The following AGAP1 variants were observed in gnomAD, a reference collection of about 807,000 sequenced individuals.
The protein encoded by AGAP1 is ArfGAP with GTPase domain, ankyrin repeat and PH domain 1, also known as arf-GAP with GTPase, ANK repeat and PH domain-containing protein 1.
Under a neutral mutation model 105.3 loss-of-function variants are expected in AGAP1, and 29 were observed. The observed-to-expected ratio is 0.28, with a 90% confidence interval of 0.21 to 0.38. The LOEUF (loss-of-function observed/expected upper bound fraction) is 0.38. AGAP1 is among the 10% of genes least tolerant of loss of function. AGAP1 has a pLI of 1.00. For synonymous variants in AGAP1, 509 were observed against 485.9 expected (o/e 1.05, Z -0.63); for missense variants, 998 against 1,165.1 (o/e 0.86, Z 2.09).
At chr2:236,015,619 C>T (rs931179403) in intron 13 of AGAP1, among the ~76,000 whole-genome samples, 8 of 151,954 alleles carry the variant, frequency 5.3e-5, no homozygotes, top group Admixed American at 3.3e-4. Context: ...CAAGGGAAAA[C>T]CACCACCATC....
In AGAP1 at chr2:235,744,538, C is replaced by T. The variant is rs1436532572; in HGVS notation, c.397-160C>T. 2.0e-5 allele frequency among the ~76,000 whole-genome samples: 3 copies of T among 152,094 alleles called. No homozygotes were observed. Among genetic ancestry groups the T allele is most frequent in the African/African-American group, 7.2e-5 (3 of 41,434 alleles). ...TGTGCTCAGGAGGAGGACGTGGATG[C>T]CGTGACAGTGTGTAAAAGTGACAGT... is the stretch of plus-strand genomic sequence containing the variant. On this transcript the variant is annotated intron_variant, in intron 4 of 17. Coordinates refer to ENST00000304032, the MANE Select transcript of AGAP1 (RefSeq NM_001037131.3). The surrounding 1 kb of genome is among the most constrained non-coding windows in gnomAD (Gnocchi z 5.2).
At position 235,982,398 on chromosome 2, in the gene AGAP1, C is replaced by T. The variant is rs1027569098; in HGVS notation, c.1645+13775C>T. 1.3e-5 allele frequency among the ~76,000 whole-genome samples: 2 copies of T among 152,064 alleles called. No individual in the cohort carries two copies. The highest frequency in any genetic ancestry group is 2.4e-5 in the African/African-American group (1 of 41,384). On this transcript the variant is annotated intron_variant, in intron 13 of 17. Transcript: ENST00000304032. The surrounding 1 kb of genome is among the most constrained non-coding windows in gnomAD (Gnocchi z 4.9). ...CAAAATATTACTTTATTCTGCACAC[C>T]GTGGGGACATCAGCTGGGAGGGTCA...
chr2:235,751,529 G>T lies in AGAP1; in HGVS notation c.673+1041G>T, dbSNP rs999503818. On this transcript the variant is annotated intron_variant, in intron 6 of 17. Coordinates refer to ENST00000304032, the MANE Select transcript of AGAP1 (RefSeq NM_001037131.3). This position sits in a 1 kb window ranked among gnomAD's most constrained non-coding sequence, Gnocchi z 5.3. ...AAGACCCACGGTGAAAGCAGTGGCT[G>T]CAGGACTGTTCCCGGGACTTCCTCC... Among the ~76,000 whole-genome samples, 13 of 152,308 alleles carry T rather than the reference G, an allele frequency of 8.5e-5. No individual in the cohort carries two copies. The highest frequency in any genetic ancestry group is 8.5e-4 in the Admixed American group (13 of 15,304).
chr2:236,131,199 G>A lies in AGAP1; in HGVS notation c.*7077G>A, dbSNP rs1467501733. 1 of 152,208 alleles carries A rather than the reference G, an allele frequency of 6.6e-6. No individual in the cohort carries two copies. Among genetic ancestry groups the A allele is most frequent in the African/African-American group, 2.4e-5 (1 of 41,436 alleles). 9.4% of individuals were successfully genotyped at this position (152,208 alleles called of 1,614,324 possible). A position where few individuals can be genotyped will look rare whatever the true frequency, so the allele number is the denominator to read the frequency against. On this transcript the variant is annotated 3_prime_UTR_variant, in exon 18 of 18. Transcript: ENST00000304032. The surrounding 1 kb of genome is among the most constrained non-coding windows in gnomAD (Gnocchi z 5.9). ...CTCAGCCCCGAGCACCTGAGCGCTG[G>A]GGAGGCCCTTATTGAGCTCAGCCTG...
In AGAP1 at chr2:236,043,660, G is replaced by T. The variant is rs552930049; in HGVS notation, c.1891+2819G>T. Among the ~76,000 whole-genome samples the T allele has an allele frequency of 3.3e-5, 5 of 151,372 alleles. No homozygotes were observed. In the South Asian group the frequency reaches 1.0e-3, roughly 32 times the overall value. On this transcript the variant is annotated intron_variant, in intron 15 of 17. Coordinates refer to ENST00000304032, the MANE Select transcript of AGAP1 (RefSeq NM_001037131.3). ...GACTTGAACTCGAGAGGCGGAGTTTGCAGTGAGCCAAGATCACGTCATTGC... is the reference window on the plus strand; with the variant it reads ...GACTTGAACTCGAGAGGCGGAGTTTTCAGTGAGCCAAGATCACGTCATTGC...
chr2:235,518,219 C>T (rs1367225219), intron 1 of AGAP1, among the ~76,000 whole-genome samples: 2 of 152,198 alleles, frequency 1.3e-5, no homozygotes, highest in African/African-American at 2.4e-5. Context: ...GTTTAATCCA[C>T]GTGAAGACAG....
At position 236,124,127 on chromosome 2, in the gene AGAP1, C is replaced by T; in HGVS notation, c.*5C>T. 1 of 1,612,682 alleles carries T rather than the reference C, an allele frequency of 6.2e-7. No homozygotes were observed. ...AGGGTGCCCACCATCATCTGAGGAA[C>T]AGCCGTGCCCGCCTGCTCGCCGCAC... On this transcript the variant is annotated 3_prime_UTR_variant, in exon 18 of 18. Coordinates refer to ENST00000304032, the MANE Select transcript of AGAP1 (RefSeq NM_001037131.3). The surrounding 1 kb of genome is among the most constrained non-coding windows in gnomAD (Gnocchi z 5.1).
chr2:235,826,981 C>T (rs1033385255), intron 9 of AGAP1, among the ~76,000 whole-genome samples: 8 of 152,044 alleles, frequency 5.3e-5, no homozygotes, highest in Admixed American at 6.6e-5. Context: ...ACGGTGGCTC[C>T]GCGTGTTGGA....
At chr2:235,718,739 A>G (rs1329992303) in intron 3 of AGAP1, among the ~76,000 whole-genome samples, 1 of 152,206 alleles carries the variant, frequency 6.6e-6, no homozygotes, top group Non-Finnish European at 1.5e-5. Context: ...TGCATCAGGA[A>G]GAGACCTTCC....
rs143735439 is a variant in AGAP1, at chr2:235,642,219, G to A, written c.164-66960G>A. Among the ~76,000 whole-genome samples the A allele has an allele frequency of 6.9e-3, 1,049 of 152,302 alleles. 15 individuals are homozygous for A. Among genetic ancestry groups the A allele is most frequent in the African/African-American group, 0.023 (968 of 41,560 alleles). On this transcript the variant is annotated intron_variant, in intron 1 of 17. Transcript: ENST00000304032. This position sits in a 1 kb window ranked among gnomAD's most constrained non-coding sequence, Gnocchi z 4.1. ...CCCAAGTCTTGCTAGCTCGTGGCAT[G>A]TGCAATGGGATCTCTTTCCTGAGTG... is the stretch of plus-strand genomic sequence containing the variant.
In AGAP1 at chr2:235,830,129, G is replaced by A. The variant is rs1452814528; in HGVS notation, c.1050+22798G>A. On this transcript the variant is annotated intron_variant, in intron 9 of 17. Coordinates refer to ENST00000304032, the MANE Select transcript of AGAP1 (RefSeq NM_001037131.3). The surrounding 1 kb of genome is among the most constrained non-coding windows in gnomAD (Gnocchi z 5.5). ...GAAGACACTGTCCAGGGCTAAGGCAGTACTTGCCAAGGCAAGGCCACCGTG... is the reference window on the plus strand; with the variant it reads ...GAAGACACTGTCCAGGGCTAAGGCAATACTTGCCAAGGCAAGGCCACCGTG... Among the ~76,000 whole-genome samples, 3 of 152,264 alleles carry A rather than the reference G, an allele frequency of 2.0e-5. No individual in the cohort carries two copies. Among genetic ancestry groups the A allele is most frequent in the African/African-American group, 7.2e-5 (3 of 41,550 alleles).
chr2:235,854,077 T>C (rs1245261368), intron 9 of AGAP1, among the ~76,000 whole-genome samples: 1 of 152,148 alleles, frequency 6.6e-6, no homozygotes, highest in Non-Finnish European at 1.5e-5. Flanking sequence ...CCGCCTTATA[T>C]GACTGGATAA....
intron 12 of AGAP1, among the ~76,000 whole-genome samples, chr2:235,950,468 G>C (rs925252466): frequency 6.6e-6 from 1 of 151,950 alleles, no homozygotes; most frequent in African/African-American, 2.4e-5. Flanking sequence ...GCAAAGGGAT[G>C]TACTCCTGAG....
chr2:236,041,417 C>G (rs185086086), intron 15 of AGAP1, among the ~76,000 whole-genome samples: 1 of 152,180 alleles, frequency 6.6e-6, no homozygotes, highest in Admixed American at 6.5e-5. Context: ...CCATTACCCA[C>G]TAAAGCCTCT....
At chr2:236,106,532 C>T (rs1055380293) in intron 16 of AGAP1, among the ~76,000 whole-genome samples, 1 of 152,218 alleles carries the variant, frequency 6.6e-6, no homozygotes, top group African/African-American at 2.4e-5. Flanking sequence ...CCCAAGTAGG[C>T]AGTGAAAAGC....
chr2:235,846,848 G>A (rs1961555414), intron 9 of AGAP1, among the ~76,000 whole-genome samples: 1 of 152,094 alleles, frequency 6.6e-6, no homozygotes, highest in African/African-American at 2.4e-5. Flanking sequence ...GGCTGGTCTG[G>A]AACTCCTGGT....
intron 6 of AGAP1, among the ~76,000 whole-genome samples, chr2:235,766,114 C>G (rs1459685449): frequency 6.6e-6 from 1 of 152,212 alleles, no homozygotes; most frequent in East Asian, 1.9e-4. Flanking sequence ...CATTAAAAAA[C>G]TTGGTAGTGA....
intron 11 of AGAP1, 118 bp downstream of exon 11, chr2:235,909,024 A>G: frequency 9.9e-7 from 1 of 1,011,108 alleles, no homozygotes; most frequent in Non-Finnish European, 1.4e-6. Context: ...ATTACAGATT[A>G]AGGTTTAGAA....
In AGAP1 at chr2:235,891,626, G is replaced by C. The variant is rs1180752475; in HGVS notation, c.1155+8177G>C. 6.6e-6 allele frequency among the ~76,000 whole-genome samples: 1 copy of C among 152,186 alleles called. No homozygotes were observed. The highest frequency in any genetic ancestry group is 1.5e-5 in the Non-Finnish European group (1 of 68,048). On this transcript the variant is annotated intron_variant, in intron 10 of 17. Transcript: ENST00000304032. This position sits in a 1 kb window ranked among gnomAD's most constrained non-coding sequence, Gnocchi z 4.2. ...AAGCACGGCCGTCGAGTGCAAGGCTGCAATTCCCTGCTGACAAAGATGTGT... is the reference window on the plus strand; with the variant it reads ...AAGCACGGCCGTCGAGTGCAAGGCTCCAATTCCCTGCTGACAAAGATGTGT...
Sources: gnomAD v4.1 joint callset for allele counts (sites outside exome capture counted in the v4.1 genomes callset) on GRCh38, gnomAD v4.1.1 for gene constraint, Gnocchi (gnomAD v3.1) non-coding constraint, MANE v1.5 for transcripts, NCBI Gene and HGNC (gene_info 2026-07-23, HGNC 2026-07-21) for gene names.